The following KIAA1328 variants were observed in gnomAD, a reference collection of about 807,000 sequenced individuals.
KIAA1328 encodes KIAA1328.
In KIAA1328, 52 loss-of-function variants were observed where a neutral mutation model predicts 68.1. The ratio of observed to expected loss-of-function variants is 0.76; its 90% CI spans 0.61 to 0.96. The LOEUF (loss-of-function observed/expected upper bound fraction) is 0.96. Ranked by LOEUF, KIAA1328 falls within the 40% of genes least tolerant of loss-of-function variation. The pLI is 0.00. For missense variants in KIAA1328, 641 were observed against 677.6 expected (o/e 0.95, Z 0.60); for synonymous variants, 232 against 239.4 (o/e 0.97, Z 0.28).
rs2060596598 is a variant in KIAA1328, at chr18:37,223,261, C to T, written c.*1034C>T. ...GCCCCAAAGAACCATCTCTACTTGCCAGAGTATGTTCCACCACCCAAGCAG... is the reference window on the plus strand; with the variant it reads ...GCCCCAAAGAACCATCTCTACTTGCTAGAGTATGTTCCACCACCCAAGCAG... On this transcript the variant is annotated 3_prime_UTR_variant, in exon 10 of 10. Coordinates refer to ENST00000280020, the MANE Select transcript of KIAA1328 (RefSeq NM_020776.3). 4 of 985,210 alleles carry T rather than the reference C, an allele frequency of 4.1e-6. No individual in the cohort carries two copies. Among genetic ancestry groups the T allele is most frequent in the South Asian group, 9.4e-5 (2 of 21,286 alleles). The allele number at this position is 985,210 out of a possible 1,614,324, so 61.0% of individuals were successfully genotyped here. A position where few individuals can be genotyped will look rare whatever the true frequency, so the allele number is the denominator to read the frequency against.
chr18:37,157,426 T>G (rs951350619), intron 7 of KIAA1328, among the ~76,000 whole-genome samples: 10 of 152,200 alleles, frequency 6.6e-5, no homozygotes, highest in Non-Finnish European at 1.5e-4. Flanking sequence ...TTTTTATTTT[T>G]ATAAAAATGA....
chr18:36,904,164 A>G (rs1568144437), intron 5 of KIAA1328, among the ~76,000 whole-genome samples: 2 of 152,090 alleles, frequency 1.3e-5, no homozygotes, highest in African/African-American at 2.4e-5. Context: ...TATTGCTGCT[A>G]TTATTACCGT....
intron 8 of KIAA1328, 106 bp from the exon 9 acceptor site, chr18:37,172,867 C>A: frequency 1.4e-6 from 1 of 713,298 alleles, no homozygotes; most frequent in Non-Finnish European, 2.2e-6. Flanking sequence ...AGTGGCTTAC[C>A]TTTGAAGCTT....
chr18:36,852,321 T>C (rs2047239021), intron 4 of KIAA1328, among the ~76,000 whole-genome samples: 1 of 152,182 alleles, frequency 6.6e-6, no homozygotes, highest in Non-Finnish European at 1.5e-5. Flanking sequence ...TTCAAGTCCT[T>C]TCTTGTTACA....
At chr18:37,030,087 C>A (rs1016306079) in intron 6 of KIAA1328, among the ~76,000 whole-genome samples, 3 of 151,914 alleles carry the variant, frequency 2.0e-5, no homozygotes, top group African/African-American at 4.8e-5. Context: ...TTATGCACAT[C>A]TATTTTCTGG....
At chr18:37,129,369 G>A (rs1599370336) in intron 7 of KIAA1328, among the ~76,000 whole-genome samples, 1 of 152,166 alleles carries the variant, frequency 6.6e-6, no homozygotes, top group Non-Finnish European at 1.5e-5. Context: ...ATAAATTACA[G>A]TGTGTCCATT....
At chr18:37,122,831 T>A (rs1271165202) in intron 7 of KIAA1328, among the ~76,000 whole-genome samples, 2 of 151,950 alleles carry the variant, frequency 1.3e-5, no homozygotes, top group Non-Finnish European at 2.9e-5. Flanking sequence ...GCTTGAGAAG[T>A]GAAGGAAAGA....
intron 4 of KIAA1328, among the ~76,000 whole-genome samples, chr18:36,850,211 A>G (rs558864265): frequency 6.6e-6 from 1 of 152,140 alleles, no homozygotes; most frequent in Non-Finnish European, 1.5e-5. Flanking sequence ...AATCTAAATT[A>G]TCTACCTTTT....
At chr18:37,191,174 A>T (rs1380238272) in intron 9 of KIAA1328, among the ~76,000 whole-genome samples, 1 of 152,174 alleles carries the variant, frequency 6.6e-6, no homozygotes, top group African/African-American at 2.4e-5. Flanking sequence ...TTTTCTTAGC[A>T]TCAGTAAAGC....
intron 7 of KIAA1328, among the ~76,000 whole-genome samples, chr18:37,132,306 T>A (rs529692345): frequency 1.3e-5 from 2 of 152,342 alleles, no homozygotes; most frequent in South Asian, 2.1e-4. Flanking sequence ...TCAGCTTGAT[T>A]GTTGTTATCG....
chr18:36,845,143 AG>A, intron 4 of KIAA1328, among the ~76,000 whole-genome samples: 1 of 151,852 alleles, frequency 6.6e-6, no homozygotes, highest in African/African-American at 2.4e-5. Context: ...ACTATAAAAA[AG>A]TGATGTTTTG....
Position 37,135,472 on chromosome 18 carries a change from A to G in KIAA1328, c.1233-24728A>G, listed in dbSNP as rs1048258549. 3.3e-5 allele frequency among the ~76,000 whole-genome samples: 5 copies of G among 151,732 alleles called. No individual in the cohort carries two copies. In the South Asian group the frequency reaches 6.3e-4, roughly 19 times the overall value. The stretch of plus-strand genomic sequence containing the variant: ...GATTAGTGATACTGAGCATTTTTTC[A>G]TGTTTTTTGGCTACTGTCTGTCTTC... On this transcript the variant is annotated intron_variant, in intron 7 of 9. Coordinates refer to ENST00000280020, the MANE Select transcript of KIAA1328 (RefSeq NM_020776.3).
chr18:36,929,630 A>G (rs1380777407), intron 5 of KIAA1328, among the ~76,000 whole-genome samples: 1 of 152,030 alleles, frequency 6.6e-6, no homozygotes, highest in Non-Finnish European at 1.5e-5. Context: ...TTTTATTAGG[A>G]GGAAGGCCTT....
At chr18:36,875,684 G>T (rs1486457130) in intron 4 of KIAA1328, among the ~76,000 whole-genome samples, 2 of 152,074 alleles carry the variant, frequency 1.3e-5, no homozygotes, top group African/African-American at 2.4e-5. Context: ...GATTGCCCTG[G>T]CCAGAACTTC....
chr18:36,984,703 C>T (rs573352317), intron 6 of KIAA1328, among the ~76,000 whole-genome samples: 69 of 151,946 alleles, frequency 4.5e-4, no homozygotes, highest in Non-Finnish European at 7.8e-4. Context: ...GTCAAGAGAT[C>T]GAGGCCATCC....
chr18:37,228,647 C>T (rs1457375908), downstream of KIAA1328, among the ~76,000 whole-genome samples: 1 of 151,922 alleles, frequency 6.6e-6, no homozygotes, highest in East Asian at 1.9e-4. Context: ...GGCGAAACCC[C>T]GTCTCTACTA....
intron 5 of KIAA1328, among the ~76,000 whole-genome samples, chr18:36,899,890 A>G (rs2048982435): frequency 2.0e-5 from 3 of 151,948 alleles, no homozygotes; most frequent in Non-Finnish European, 4.4e-5. Context: ...AATATCTTGT[A>G]TTAATATTTA....
At chr18:37,024,244 T>G (rs904389381) in intron 6 of KIAA1328, among the ~76,000 whole-genome samples, 21 of 151,942 alleles carry the variant, frequency 1.4e-4, no homozygotes, top group Non-Finnish European at 2.8e-4. Context: ...CAGGCAGTCT[T>G]CCTACCTCGG....
Position 36,829,159 on chromosome 18 carries a change from C to G in KIAA1328, c.21C>G (p.Pro7=). 6.5e-7 allele frequency: 1 copy of G among 1,533,838 alleles called. No homozygotes were observed. Among genetic ancestry groups the G allele is most frequent in the Non-Finnish European group, 8.8e-7 (1 of 1,142,454 alleles). The change falls in exon 1 of 10, where the codon CCC becomes CCG. Residue 7 remains proline (P), a synonymous_variant. Coordinates refer to ENST00000280020, the MANE Select transcript of KIAA1328 (RefSeq NM_020776.3). MADVAG[P]SRPSAAAFWS... ...TCAAGATGGCGGACGTGGCGGGCCC[C>G]TCCCGCCCCAGTGCCGCGGCGTTCT...
Sources: allele counts gnomAD v4.1 joint callset (sites outside exome capture counted in the v4.1 genomes callset), GRCh38; gene constraint gnomAD v4.1.1; transcripts MANE v1.5; gene names NCBI Gene and HGNC (gene_info 2026-07-23, HGNC 2026-07-21).